DRC10: variants seen among roughly 807,000 people sequenced by gnomAD.
The protein encoded by DRC10 is dynein regulatory complex subunit 10.
At chr12:113,197,862 C>G in the DRC10 span, among the ~76,000 whole-genome samples, 1 of 152,152 alleles carries the variant, frequency 6.6e-6, no homozygotes, top group East Asian at 1.9e-4. Flanking sequence ...CCAGGACATC[C>G]TAGGCAGAGA....
chr12:113,200,664 C>A, the DRC10 span: 2 of 1,536,206 alleles, frequency 1.3e-6, no homozygotes, highest in African/African-American at 1.4e-5. Context: ...CCTGCTGGAT[C>A]TTGGCCACCC....
chr12:113,200,493 G>T, the DRC10 span: 4 of 1,063,218 alleles, frequency 3.8e-6, no homozygotes, highest in Non-Finnish European at 5.6e-6. Context: ...GCCCAACACT[G>T]CTGGACCTCC....
chr12:113,207,307 C>A, the DRC10 span: 1 of 801,670 alleles, frequency 1.2e-6, no homozygotes, highest in South Asian at 1.4e-5. Context: ...GAGATTACAC[C>A]ACTGCACTCT....
chr12:113,210,090 T>C, the DRC10 span, among the ~76,000 whole-genome samples: 1 of 152,236 alleles, frequency 6.6e-6, no homozygotes, highest in Non-Finnish European at 1.5e-5. Context: ...AAGCCAAGTT[T>C]GCATCACTGT....
the DRC10 span, among the ~76,000 whole-genome samples, chr12:113,214,877 G>C: frequency 6.7e-6 from 1 of 148,204 alleles, no homozygotes; most frequent in Non-Finnish European, 1.5e-5. Flanking sequence ...CTCCTCTCTT[G>C]TTCTTTTTGA....
chr12:113,201,641 A>G, the DRC10 span, among the ~76,000 whole-genome samples: 2 of 152,298 alleles, frequency 1.3e-5, no homozygotes, highest in African/African-American at 4.8e-5. Flanking sequence ...TAGAACAGGA[A>G]TGGGGGTGGA....
the DRC10 span, among the ~76,000 whole-genome samples, chr12:113,196,777 G>T: frequency 2.5e-4 from 38 of 152,208 alleles, no homozygotes; most frequent in African/African-American, 9.2e-4. Context: ...CCAGTGCTGG[G>T]TGAAGGGTTT....
chr12:113,207,675 C>G, the DRC10 span: 1 of 1,613,892 alleles, frequency 6.2e-7, no homozygotes, highest in African/African-American at 1.3e-5. Context: ...GCCTAGCAGC[C>G]TGGGGGTTGC....
At chr12:113,198,371 G>A in the DRC10 span, among the ~76,000 whole-genome samples, 2 of 152,334 alleles carry the variant, frequency 1.3e-5, no homozygotes, top group Non-Finnish European at 2.9e-5. Flanking sequence ...CTCAGGAAAG[G>A]GTGAGGTGAA....
chr12:113,213,934 ACT>A, the DRC10 span, among the ~76,000 whole-genome samples: 1 of 151,936 alleles, frequency 6.6e-6, no homozygotes, highest in Non-Finnish European at 1.5e-5. Flanking sequence ...ACACAGTGAG[ACT>A]CTGTCTCAAA....
At chr12:113,220,381 G>C in the DRC10 span, among the ~76,000 whole-genome samples, 21 of 152,030 alleles carry the variant, frequency 1.4e-4, no homozygotes. Flanking sequence ...TTAGCCTCCC[G>C]AGTAGTTGGG....
At chr12:113,203,691 G>A in the DRC10 span, among the ~76,000 whole-genome samples, 1 of 151,556 alleles carries the variant, frequency 6.6e-6, no homozygotes, top group Admixed American at 6.6e-5. Flanking sequence ...GGTCAGGCTG[G>A]TCTCGAACTC....
chr12:113,200,728 G>C, the DRC10 span: 1 of 1,536,210 alleles, frequency 6.5e-7, no homozygotes, highest in Non-Finnish European at 8.7e-7. Flanking sequence ...CTCCTGCTTA[G>C]TGCGAACGAG....
At chr12:113,195,751 C>T in the DRC10 span, 1 of 1,614,030 alleles carries the variant, frequency 6.2e-7, no homozygotes. Flanking sequence ...TGCTCTGCCT[C>T]CATCCTTTTC....
the DRC10 span, chr12:113,207,263 G>A: frequency 6.4e-5 from 44 of 688,132 alleles, no homozygotes; most frequent in Non-Finnish European, 9.5e-5. Context: ...TGGGAGAATC[G>A]CTTGAACCTG....
the DRC10 span, among the ~76,000 whole-genome samples, chr12:113,220,009 T>C: frequency 3.5e-3 from 533 of 152,282 alleles, 3 homozygotes; most frequent in South Asian, 0.024. Context: ...GGTTTCACCA[T>C]GTTGGCCAGG....
chr12:113,208,029 G>A, the DRC10 span: 2 of 1,614,250 alleles, frequency 1.2e-6, no homozygotes, highest in South Asian at 2.2e-5. Context: ...TGGCCTCAAT[G>A]GTGGTGAGTT....
At chr12:113,208,030 G>T in the DRC10 span, 3 of 1,614,228 alleles carry the variant, frequency 1.9e-6, no homozygotes, top group Non-Finnish European at 2.5e-6. Flanking sequence ...GGCCTCAATG[G>T]TGGTGAGTTT....
At chr12:113,214,822 G>GT in the DRC10 span, among the ~76,000 whole-genome samples, 601 of 149,566 alleles carry the variant, frequency 4.0e-3, 5 homozygotes, top group Non-Finnish European at 7.0e-3. Context: ...TAGTTGAGTG[G>GT]TTTTTTTTTT....
Sources: gnomAD v4.1 joint callset for allele counts (sites outside exome capture counted in the v4.1 genomes callset) on GRCh38, gnomAD v4.1.1 for gene constraint, MANE v1.5 for transcripts, NCBI Gene and HGNC (gene_info 2026-07-23, HGNC 2026-07-21) for gene names.